Variants in TMEM132D observed in about 807,000 individuals in gnomAD.
TMEM132D encodes mature OL transmembrane protein.
A neutral mutation model predicts 62.3 loss-of-function variants in TMEM132D; 21 were observed. That is an observed-to-expected ratio of 0.34 (90% CI 0.24 to 0.49). TMEM132D has a LOEUF of 0.49. Among genes scored for constraint, TMEM132D ranks in the 20% least tolerant of loss-of-function variants. The pLI, the probability that TMEM132D is intolerant of heterozygous loss-of-function variation, is 0.99. For synonymous variants in TMEM132D, 621 were observed against 575.6 expected, an observed-to-expected ratio of 1.08 and a Z score of -1.13; for missense variants, 1,346 against 1,402.8, an observed-to-expected ratio of 0.96 and a Z score of 0.65.
intron 2 of TMEM132D, among the ~76,000 whole-genome samples, chr12:129,554,531 A>G (rs79034246): frequency 0.017 from 2,563 of 152,258 alleles, 68 homozygotes; most frequent in African/African-American, 0.059. Context: ...CTCATGGTAC[A>G]GTACTTTATG....
intron 3 of TMEM132D, chr12:129,521,366 C>T (rs1269173270): frequency 2.0e-5 from 3 of 152,118 alleles, no homozygotes; most frequent in Non-Finnish European, 4.4e-5. Flanking sequence ...GGTGAAAAAG[C>T]TTTTAACGCT....
intron 3 of TMEM132D, among the ~76,000 whole-genome samples, chr12:129,468,048 G>A (rs900360204): frequency 1.3e-5 from 2 of 152,218 alleles, no homozygotes; most frequent in Non-Finnish European, 2.9e-5. Flanking sequence ...GCTGAGGACA[G>A]AATTGACACT....
intron 3 of TMEM132D, among the ~76,000 whole-genome samples, chr12:129,343,029 G>C (rs1869548131): frequency 6.6e-6 from 1 of 152,158 alleles, no homozygotes; most frequent in Non-Finnish European, 1.5e-5. Context: ...GACTCCTTAG[G>C]GATCTAGAAC....
Position 129,531,542 on chromosome 12 carries a change from C to A in TMEM132D, c.969-337G>T, listed in dbSNP as rs545401715. ...AACTACCTGAAAACCCTTAGCCTGG[C>A]CAAACTCAATAGAAAAAGGCAATGA... is the stretch of plus-strand genomic sequence containing the variant. On this transcript the variant is annotated intron_variant, in intron 2 of 8. Coordinates refer to ENST00000422113, the MANE Select transcript of TMEM132D (RefSeq NM_133448.3). 1.6e-4 allele frequency among the ~76,000 whole-genome samples: 24 copies of A among 152,252 alleles called. 1 individual carries two copies. Among genetic ancestry groups the A allele is most frequent in the African/African-American group, 5.3e-4 (22 of 41,538 alleles).
chr12:129,108,051 T>A (rs1043450426), intron 5 of TMEM132D, among the ~76,000 whole-genome samples: 7 of 152,202 alleles, frequency 4.6e-5, no homozygotes, highest in Admixed American at 3.3e-4. Context: ...GGGCATTTAG[T>A]ACTTCTGACT....
intron 4 of TMEM132D, among the ~76,000 whole-genome samples, chr12:129,332,179 C>A (rs1346744358): frequency 6.6e-6 from 1 of 152,148 alleles, no homozygotes; most frequent in Non-Finnish European, 1.5e-5. Flanking sequence ...CCTTTTCCCT[C>A]AGAATTTGCC....
intron 5 of TMEM132D, among the ~76,000 whole-genome samples, chr12:129,094,746 G>A (rs907154638): frequency 1.2e-4 from 18 of 152,160 alleles, no homozygotes; most frequent in Admixed American, 5.2e-4. Flanking sequence ...TGTTTATAGC[G>A]GCACTATTCA....
In TMEM132D at chr12:129,236,863, T is replaced by C. The variant is rs75444234; in HGVS notation, c.1300-27200A>G. 4.3e-3 allele frequency among the ~76,000 whole-genome samples: 648 copies of C among 152,346 alleles called. 6 individuals carry two copies. Among genetic ancestry groups the C allele is most frequent in the African/African-American group, 0.015 (610 of 41,578 alleles). ...TTGAGTATGATGTTAGTTGTGAGTT[T>C]TTCATATACAGTCTGTATTATGTTG... On this transcript the variant is annotated intron_variant, in intron 4 of 8. Coordinates refer to ENST00000422113, the MANE Select transcript of TMEM132D (RefSeq NM_133448.3).
At chr12:129,134,138 G>GTGTGTC (rs1876477186) in intron 5 of TMEM132D, among the ~76,000 whole-genome samples, 2 of 146,486 alleles carry the variant, frequency 1.4e-5, no homozygotes, top group Admixed American at 6.8e-5. Context: ...GTGTGTCTGT[G>GTGTGTC]TGTGTGTGTC....
intron 5 of TMEM132D, among the ~76,000 whole-genome samples, chr12:129,089,941 A>G (rs2135626737): frequency 6.6e-6 from 1 of 152,340 alleles, no homozygotes; most frequent in Admixed American, 6.5e-5. Context: ...TTTTTAGAGG[A>G]TAAAAACCTC....
At chr12:129,080,097 A>G (rs574819720) in intron 7 of TMEM132D, among the ~76,000 whole-genome samples, 1 of 152,336 alleles carries the variant, frequency 6.6e-6, no homozygotes, top group East Asian at 1.9e-4. Flanking sequence ...TTCTTAGTCA[A>G]TTGTGGAGGT....
At chr12:129,185,837 C>T (rs904747175) in intron 5 of TMEM132D, among the ~76,000 whole-genome samples, 1 of 150,656 alleles carries the variant, frequency 6.6e-6, no homozygotes, top group Non-Finnish European at 1.5e-5. Context: ...TTTCTCCTTA[C>T]TAGTGAGGTT....
At chr12:129,884,205 T>C (rs954276507) in intron 1 of TMEM132D, among the ~76,000 whole-genome samples, 1 of 152,218 alleles carries the variant, frequency 6.6e-6, no homozygotes, top group African/African-American at 2.4e-5. Flanking sequence ...GACATTTGGT[T>C]TGGCAAAGAC....
chr12:129,152,404 G>A (rs1877101146), intron 5 of TMEM132D, among the ~76,000 whole-genome samples: 1 of 152,182 alleles, frequency 6.6e-6, no homozygotes, highest in Non-Finnish European at 1.5e-5. Flanking sequence ...GGGGAGGGAA[G>A]ACAGGAGCAG....
At chr12:129,188,768 A>G (rs202048798) in intron 5 of TMEM132D, among the ~76,000 whole-genome samples, 3 of 3,876 alleles carry the variant, frequency 7.7e-4, no homozygotes, top group Non-Finnish European at 2.3e-3. Flanking sequence ...AGAGGGAGAG[A>G]GAGAGAGAGA....
rs986801072 is a variant in TMEM132D, at chr12:129,099,854, C to A, written c.1444-15152G>T. On this transcript the variant is annotated intron_variant, in intron 5 of 8. Transcript: ENST00000422113. ...TTATTTTTATTTTTTGAGACGGAGT[C>A]TCGCTCTGTCGCCCAGGCTGGAGTG... Among the ~76,000 whole-genome samples, 18 of 140,200 alleles carry A rather than the reference C, an allele frequency of 1.3e-4. 4 individuals carry two copies. Among genetic ancestry groups the A allele is most frequent in the African/African-American group, 5.7e-4 (18 of 31,446 alleles). 92.0% of individuals were successfully genotyped at this position (140,200 alleles called of 152,430 possible).
intron 5 of TMEM132D, among the ~76,000 whole-genome samples, chr12:129,180,773 G>T (rs1878042716): frequency 8.7e-6 from 1 of 114,722 alleles, no homozygotes; most frequent in Admixed American, 9.6e-5. Flanking sequence ...CACTTCCCTT[G>T]TCTTCTCTTC....
intron 4 of TMEM132D, among the ~76,000 whole-genome samples, chr12:129,242,933 GTAT>G (rs920967329): frequency 2.6e-4 from 24 of 91,406 alleles, no homozygotes; most frequent in Non-Finnish European, 5.3e-4. Flanking sequence ...AAGAGAGGCA[GTAT>G]TTCTAAGCCA....
chr12:129,489,059 C>G (rs1351805337), intron 3 of TMEM132D, among the ~76,000 whole-genome samples: 1 of 152,138 alleles, frequency 6.6e-6, no homozygotes, highest in East Asian at 1.9e-4. Context: ...ACAATACAGC[C>G]AAATGCAAAT....
Sources: gnomAD v4.1 joint callset for allele counts (sites outside exome capture counted in the v4.1 genomes callset) on GRCh38, gnomAD v4.1.1 for gene constraint, MANE v1.5 for transcripts, NCBI Gene and HGNC (gene_info 2026-07-23, HGNC 2026-07-21) for gene names.